Variants in COLEC11 observed in about 807,000 individuals in gnomAD.
COLEC11 encodes the protein collectin subfamily member 11.
In COLEC11, 20 loss-of-function variants were observed where a neutral mutation model predicts 27.3. The ratio of observed to expected loss-of-function variants is 0.73; its 90% CI spans 0.51 to 1.06. The LOEUF (loss-of-function observed/expected upper bound fraction) is 1.06, where lower values mean the gene tolerates loss of function less well. Ranked by LOEUF, COLEC11 falls within the 50% of genes least tolerant of loss-of-function variation. The pLI, the probability that COLEC11 is intolerant of heterozygous loss-of-function variation, is 0.00. For synonymous variants in COLEC11, 163 were observed against 154.7 expected (o/e 1.05, Z -0.40); for missense variants, 310 against 383.0 (o/e 0.81, Z 1.59).
chr2:3,644,255 C>G lies in COLEC11; in HGVS notation c.*137C>G, dbSNP rs1033857901. The stretch of plus-strand genomic sequence containing the variant: ...GGCTCACTGAGTAGAGGGCTGTTGT[C>G]TAAACTGAGAAAATGGCCTATGCTT... On this transcript the variant is annotated 3_prime_UTR_variant, in exon 7 of 7. Coordinates refer to ENST00000349077, the MANE Select transcript of COLEC11 (RefSeq NM_024027.5). The G allele has an allele frequency of 1.8e-6, 2 of 1,098,498 alleles. No homozygotes were observed. Among genetic ancestry groups the G allele is most frequent in the Admixed American group, 3.8e-5 (2 of 52,438 alleles). The allele number at this position is 1,098,498 out of a possible 1,614,324, so 68.0% of individuals were successfully genotyped here.
At chr2:3,624,165 G>C (rs1212192772) in intron 3 of COLEC11, among the ~76,000 whole-genome samples, 1 of 152,160 alleles carries the variant, frequency 6.6e-6, no homozygotes, top group African/African-American at 2.4e-5. Flanking sequence ...GCTCTGAAAT[G>C]CTCAAGTTCT....
chr2:3,633,301 C>G (rs1490448455), intron 3 of COLEC11, among the ~76,000 whole-genome samples: 1 of 152,212 alleles, frequency 6.6e-6, no homozygotes, highest in African/African-American at 2.4e-5. Context: ...GTGGTTCAGT[C>G]CATCAGTTGG....
chr2:3,626,006 T>G, intron 3 of COLEC11: 1 of 1,612,216 alleles, frequency 6.2e-7, no homozygotes, highest in Non-Finnish European at 8.5e-7. Context: ...TGTATTTACT[T>G]TTTCCAGCAG....
rs183362763 is a variant in COLEC11 at position 3,613,474 on chromosome 2, A to G, written c.202+92A>G. The G allele has an allele frequency of 6.2e-5, 83 of 1,347,270 alleles. No individual in the cohort carries two copies. The African/African-American group carries it at 9.9e-4, about 16-fold the overall frequency. 83.5% of individuals were successfully genotyped at this position (1,347,270 alleles called of 1,614,324 possible). A position where few individuals can be genotyped will look rare whatever the true frequency, so the allele number is the denominator to read the frequency against. ...GTGGGGAGGTGGGGGTGGTGGTTCC[A>G]GAGAGGACAGGCCCTGCCCTCTGGG... On this transcript the variant is annotated intron_variant, in intron 3 of 6. Coordinates refer to ENST00000349077, the MANE Select transcript of COLEC11 (RefSeq NM_024027.5).
chr2:3,635,962 G>C (rs1665380510), intron 3 of COLEC11, among the ~76,000 whole-genome samples: 1 of 152,238 alleles, frequency 6.6e-6, no homozygotes, highest in South Asian at 2.1e-4. Context: ...ACTCTCTGCA[G>C]GGGCATGTGT....
intron 5 of COLEC11, among the ~76,000 whole-genome samples, chr2:3,640,979 C>T (rs1162577888): frequency 7.1e-6 from 1 of 139,974 alleles, no homozygotes; most frequent in Non-Finnish European, 1.5e-5. Context: ...GTAGACCCCA[C>T]GGTGGACACC....
intron 3 of COLEC11, among the ~76,000 whole-genome samples, chr2:3,614,656 G>C (rs35093023): frequency 0.024 from 3,620 of 152,130 alleles, 153 homozygotes; most frequent in African/African-American, 0.081. Context: ...AGAAGGACAG[G>C]ATGACCAATA....
chr2:3,616,690 G>T (rs1470309249), intron 3 of COLEC11, among the ~76,000 whole-genome samples: 3 of 152,250 alleles, frequency 2.0e-5, no homozygotes, highest in Non-Finnish European at 2.9e-5. Context: ...GGAGGTTGCA[G>T]TGAGCCGAGA....
intron 2 of COLEC11, among the ~76,000 whole-genome samples, chr2:3,607,157 A>G (rs891429781): frequency 2.0e-5 from 3 of 151,898 alleles, no homozygotes; most frequent in Non-Finnish European, 4.4e-5. Flanking sequence ...TCCTGAGCAC[A>G]CGAGTCAGGC....
In COLEC11 at chr2:3,625,874, C is replaced by G. The variant is rs150247659; in HGVS notation, c.203-11659C>G. On this transcript the variant is annotated intron_variant, in intron 3 of 6. Transcript: ENST00000349077. ...TCTTGAACTCCTGACCTCAAGAGATCCGCCTACCTTGGCCTCCCAAAGTGC... is the reference window on the plus strand; with the variant it reads ...TCTTGAACTCCTGACCTCAAGAGATGCGCCTACCTTGGCCTCCCAAAGTGC... The G allele has an allele frequency of 2.8e-3, 2,072 of 747,862 alleles. 17 individuals are homozygous for G. In the African/African-American group the frequency reaches 0.029, roughly 10 times the overall value. 46.3% of individuals were successfully genotyped at this position (747,862 alleles called of 1,614,324 possible).
chr2:3,643,662 G>A, intron 6 of COLEC11, 65 bp from the exon 7 acceptor site: 2 of 1,611,046 alleles, frequency 1.2e-6, no homozygotes, highest in South Asian at 2.2e-5. Context: ...TGCTGCCTGT[G>A]GCTGTGCCTT....
chr2:3,608,962 G>A (rs1002228140), intron 2 of COLEC11, among the ~76,000 whole-genome samples: 3 of 152,204 alleles, frequency 2.0e-5, no homozygotes, highest in African/African-American at 7.2e-5. Context: ...ACCAGGCTGG[G>A]AGGGCTTACG....
chr2:3,615,903 C>T (rs1368222968), intron 3 of COLEC11, among the ~76,000 whole-genome samples: 1 of 135,950 alleles, frequency 7.4e-6, no homozygotes, highest in Non-Finnish European at 1.6e-5. Flanking sequence ...CGGGGGCTGC[C>T]CCCCACCTCC....
At position 3,602,022 on chromosome 2, in the gene COLEC11, A is replaced by G. The variant is rs569209859; in HGVS notation, c.-26-2293A>G. 12 of 152,362 alleles carry G rather than the reference A, an allele frequency of 7.9e-5. No homozygotes were observed. The East Asian group carries it at 1.4e-3, about 17-fold the overall frequency. The allele number at this position is 152,362 out of a possible 1,614,324, so 9.4% of individuals were successfully genotyped here. A position where few individuals can be genotyped will look rare whatever the true frequency, so the allele number is the denominator to read the frequency against. ...CGTGCAGCAGGACATCAGGTGGCAA[A>G]GGTGGGCTCTCGCCAGCCAGAGGCG... On this transcript the variant is annotated intron_variant, in intron 1 of 6. Coordinates refer to ENST00000349077, the MANE Select transcript of COLEC11 (RefSeq NM_024027.5). This position sits in a 1 kb window ranked among gnomAD's most constrained non-coding sequence, Gnocchi z 6.2.
intron 3 of COLEC11, among the ~76,000 whole-genome samples, chr2:3,616,087 C>G (rs886874038): frequency 6.6e-6 from 1 of 150,746 alleles, no homozygotes; most frequent in African/African-American, 2.5e-5. Flanking sequence ...GACGGGGTGG[C>G]GGTCGGGCAG....
intron 3 of COLEC11, among the ~76,000 whole-genome samples, chr2:3,620,467 AT>A (rs533195108): frequency 0.014 from 1,963 of 145,136 alleles, 30 homozygotes; most frequent in Non-Finnish European, 0.019. Context: ...AGGTTCGTCA[AT>A]TTTTTTTTTT....
At chr2:3,617,537 C>G (rs1216690239) in intron 3 of COLEC11, 1 of 1,556,780 alleles carries the variant, frequency 6.4e-7, no homozygotes, top group Non-Finnish European at 8.9e-7. Flanking sequence ...ATATTGGCGG[C>G]GCACGCCTCA....
intron 2 of COLEC11, among the ~76,000 whole-genome samples, chr2:3,610,248 G>C (rs1188594371): frequency 2.0e-5 from 3 of 152,216 alleles, no homozygotes; most frequent in Non-Finnish European, 4.4e-5. Context: ...CCCCATGTAG[G>C]GGGAGAGGTG....
At chr2:3,612,805 G>A (rs114826550) in intron 2 of COLEC11, among the ~76,000 whole-genome samples, 3,622 of 152,262 alleles carry the variant, frequency 0.024, 150 homozygotes, top group African/African-American at 0.081. Flanking sequence ...GGCAGCCCCC[G>A]TGGTGGAGGC....
Sources: gnomAD v4.1 joint callset for allele counts (sites outside exome capture counted in the v4.1 genomes callset) on GRCh38, gnomAD v4.1.1 for gene constraint, Gnocchi (gnomAD v3.1) non-coding constraint, MANE v1.5 for transcripts, NCBI Gene and HGNC (gene_info 2026-07-23, HGNC 2026-07-21) for gene names.